HORMAD2: variants seen among roughly 807,000 people sequenced by gnomAD.
HORMAD2 encodes the protein HORMA domain-containing protein 2.
HORMAD2 carries 45 observed loss-of-function variants against 38.8 expected under a neutral mutation model. The ratio of observed to expected loss-of-function variants is 1.16; its 90% CI spans 0.91 to 1.49. The LOEUF (loss-of-function observed/expected upper bound fraction) is 1.49, where lower values mean the gene tolerates loss of function less well. Ranked by LOEUF, HORMAD2 falls within the 40% of genes most tolerant of loss-of-function variation. The pLI is 0.00. For synonymous variants in HORMAD2, 126 were observed against 122.8 expected (o/e 1.03, Z -0.17); for missense variants, 338 against 367.0 (o/e 0.92, Z 0.65).
the HORMAD2 span, among the ~76,000 whole-genome samples, chr22:30,192,416 G>A: frequency 6.6e-6 from 1 of 152,164 alleles, no homozygotes; most frequent in African/African-American, 2.4e-5. Context: ...GAGGAACAGA[G>A]GAGTGACTGC....
At chr22:30,078,083 A>G (rs1250948262), upstream of HORMAD2, among the ~76,000 whole-genome samples, 1 of 152,178 alleles carries the variant, frequency 6.6e-6, no homozygotes, top group Admixed American at 6.5e-5. Context: ...TTTGGTCACA[A>G]GGAGCCTGCC....
chr22:30,177,814 G>A (rs1294867534), downstream of HORMAD2, among the ~76,000 whole-genome samples: 1 of 150,920 alleles, frequency 6.6e-6, no homozygotes, highest in Non-Finnish European at 1.5e-5. Context: ...GGACTGGCTG[G>A]GACTACAAGC....
chr22:30,078,987 A>G (rs997428418), upstream of HORMAD2, among the ~76,000 whole-genome samples: 1 of 151,594 alleles, frequency 6.6e-6, no homozygotes, highest in Non-Finnish European at 1.5e-5. Flanking sequence ...CAAAGTCTAG[A>G]GAAATTTTTG....
the HORMAD2 span, among the ~76,000 whole-genome samples, chr22:30,200,555 T>C: frequency 2.0e-5 from 3 of 151,978 alleles, no homozygotes; most frequent in Non-Finnish European, 4.4e-5. Flanking sequence ...TTCTAAATCA[T>C]TTTATTAATT....
chr22:30,207,329 C>T, the HORMAD2 span, among the ~76,000 whole-genome samples: 1 of 152,124 alleles, frequency 6.6e-6, no homozygotes, highest in African/African-American at 2.4e-5. Flanking sequence ...CCAGACACTC[C>T]GTGCCCTGGG....
upstream of HORMAD2, among the ~76,000 whole-genome samples, chr22:30,078,607 C>CAA (rs55966787): frequency 0.14 from 3,978 of 28,024 alleles, 1,138 homozygotes; most frequent in South Asian, 0.26. Flanking sequence ...CTCTGTCTCA[C>CAA]AAAAAAAAAA....
chr22:30,157,448 T>C (rs76653349), intron 10 of HORMAD2, among the ~76,000 whole-genome samples: 2 of 140,008 alleles, frequency 1.4e-5, no homozygotes, highest in South Asian at 2.2e-4. Flanking sequence ...TCCCCCTCCC[T>C]TTTTTTTTTT....
intron 10 of HORMAD2, among the ~76,000 whole-genome samples, chr22:30,141,959 C>T (rs567710408): frequency 7.2e-5 from 11 of 152,018 alleles, no homozygotes; most frequent in African/African-American, 1.4e-4. Context: ...CCTTAACATA[C>T]GGTTTACGGG....
intron 10 of HORMAD2, among the ~76,000 whole-genome samples, chr22:30,150,136 C>G (rs1924657641): frequency 6.6e-6 from 1 of 151,758 alleles, no homozygotes; most frequent in Admixed American, 6.6e-5. Flanking sequence ...CATCAGATTT[C>G]TCTGTTCTTT....
chr22:30,121,727 A>T lies in HORMAD2; in HGVS notation c.506A>T (p.Gln169Leu). Residue 169 changes from glutamine (Q) to leucine (L), a missense_variant, in exon 9 of 11, where the codon CAG (glutamine) becomes CTG (leucine). By Grantham distance (113) the Gln-to-Leu change is moderately radical (BLOSUM62 -2). Coordinates refer to ENST00000336726, the MANE Select transcript of HORMAD2 (RefSeq NM_152510.4). Reference protein sequence around the residue: ...LLIRKLYILMQDLEPLPNNVV... With the variant: ...LLIRKLYILMLDLEPLPNNVV... The stretch of plus-strand genomic sequence containing the variant: ...ATCCGTAAATTGTATATACTGATGC[A>T]GGACCTTGAGCCACTTCCTAATAAT... 1 of 1,612,090 alleles carries T rather than the reference A, an allele frequency of 6.2e-7. No homozygotes were observed. The highest frequency in any genetic ancestry group is 8.5e-7 in the Non-Finnish European group (1 of 1,178,870).
chr22:30,093,911 A>C lies in HORMAD2; in HGVS notation c.-37-5A>C. ...GTCTCTAATTAATTAATTATTTTTT[A>C]ATAGGTTGGACTTGTTGAAATAATC... On this transcript the variant is annotated splice_region_variant and splice_polypyrimidine_tract_variant and intron_variant, in intron 1 of 10. Coordinates refer to ENST00000336726, the MANE Select transcript of HORMAD2 (RefSeq NM_152510.4). The C allele has an allele frequency of 7.2e-7, 1 of 1,396,658 alleles. No homozygotes were observed. 86.5% of individuals were successfully genotyped at this position (1,396,658 alleles called of 1,614,324 possible). A position where few individuals can be genotyped will look rare whatever the true frequency, so the allele number is the denominator to read the frequency against.
chr22:30,087,975 C>CTA (rs1159857183), intron 1 of HORMAD2, among the ~76,000 whole-genome samples: 6 of 150,602 alleles, frequency 4.0e-5, no homozygotes, highest in Non-Finnish European at 8.9e-5. Flanking sequence ...CTCTCTCTCT[C>CTA]TATATATATA....
the HORMAD2 span, among the ~76,000 whole-genome samples, chr22:30,191,727 T>C: frequency 6.6e-6 from 1 of 152,356 alleles, no homozygotes; most frequent in East Asian, 1.9e-4. Flanking sequence ...TGGAAATCTT[T>C]TGTAAATCTA....
chr22:30,173,622 AC>A (rs1287577011), intron 10 of HORMAD2, among the ~76,000 whole-genome samples: 1 of 152,198 alleles, frequency 6.6e-6, no homozygotes, highest in East Asian at 1.9e-4. Flanking sequence ...TCTTTGGAAT[AC>A]CCATGTGGAG....
At position 30,093,942 on chromosome 22, in the gene HORMAD2, AC is replaced by A. The variant is rs1569082843; in HGVS notation, c.-10del. On this transcript the variant is annotated 5_prime_UTR_variant, in exon 2 of 11. Coordinates refer to ENST00000336726, the MANE Select transcript of HORMAD2 (RefSeq NM_152510.4). The stretch of plus-strand genomic sequence containing the variant: ...TTGGACTTGTTGAAATAATCCTGAT[AC>A]ATTCCTACAATGGCCACTGCTCAGC... 1.9e-6 allele frequency: 3 copies of A among 1,589,736 alleles called. No homozygotes were observed. Among genetic ancestry groups the A allele is most frequent in the Admixed American group, 3.4e-5 (2 of 58,736 alleles).
At chr22:30,092,897 A>G (rs535608482) in intron 1 of HORMAD2, among the ~76,000 whole-genome samples, 6 of 152,214 alleles carry the variant, frequency 3.9e-5, no homozygotes, top group South Asian at 2.1e-4. Context: ...ATAGCTTTGT[A>G]GTATATTTTA....
At chr22:30,199,919 G>A in the HORMAD2 span, among the ~76,000 whole-genome samples, 1 of 151,646 alleles carries the variant, frequency 6.6e-6, no homozygotes, top group Non-Finnish European at 1.5e-5. Context: ...AGACCAGCCT[G>A]GCCAACATGG....
At chr22:30,096,783 A>G (rs2146079652) in intron 2 of HORMAD2, among the ~76,000 whole-genome samples, 1 of 152,094 alleles carries the variant, frequency 6.6e-6, no homozygotes, top group African/African-American at 2.4e-5. Context: ...TGTGATTTTA[A>G]TGCTCACTTC....
In HORMAD2 at chr22:30,168,092, C is replaced by A. The variant is rs146323211; in HGVS notation, c.820-7971C>A. On this transcript the variant is annotated intron_variant, in intron 10 of 10. Coordinates refer to ENST00000336726, the MANE Select transcript of HORMAD2 (RefSeq NM_152510.4). ...AATATGTCTTAAAGCTATCTGGATC[C>A]TAAGTAAAACTCTACATTATTTTTA... 1.5e-4 allele frequency among the ~76,000 whole-genome samples: 23 copies of A among 152,214 alleles called. No individual in the cohort carries two copies. In the East Asian group the frequency reaches 3.3e-3, roughly 22 times the overall value.
Sources: allele counts gnomAD v4.1 joint callset (sites outside exome capture counted in the v4.1 genomes callset), GRCh38; gene constraint gnomAD v4.1.1; transcripts MANE v1.5; gene names NCBI Gene and HGNC (gene_info 2026-07-23, HGNC 2026-07-21).